The following PKNOX2 variants were observed in gnomAD, a reference collection of about 807,000 sequenced individuals.
The protein encoded by PKNOX2 is homeobox protein PKNOX2.
In PKNOX2, 14 loss-of-function variants were observed where a neutral mutation model predicts 53.1. The observed-to-expected ratio is 0.26, with a 90% confidence interval of 0.17 to 0.41. The LOEUF (loss-of-function observed/expected upper bound fraction) is 0.41, where lower values mean the gene tolerates loss of function less well. PKNOX2 is among the 10% of genes least tolerant of loss of function. The probability of loss-of-function intolerance (pLI) is 1.00; values close to 1 mark genes in which losing one functional copy is unlikely to be tolerated. For synonymous variants in PKNOX2, 257 were observed against 242.8 expected (o/e 1.06, Z -0.54); for missense variants, 496 against 602.8 (o/e 0.82, Z 1.85).
intron 7 of PKNOX2, among the ~76,000 whole-genome samples, chr11:125,407,595 A>G (rs1262146902): frequency 6.6e-6 from 1 of 151,486 alleles, no homozygotes; most frequent in East Asian, 1.9e-4. Flanking sequence ...GGAGGTACCC[A>G]CTCCCCCATT....
chr11:125,404,326 C>T (rs562612983), intron 7 of PKNOX2, among the ~76,000 whole-genome samples: 1 of 152,174 alleles, frequency 6.6e-6, no homozygotes, highest in Admixed American at 6.5e-5. Flanking sequence ...GCGCTTCTCC[C>T]GCCTGAGAAG....
intron 2 of PKNOX2, among the ~76,000 whole-genome samples, chr11:125,265,504 C>T (rs893944142): frequency 1.3e-5 from 2 of 152,226 alleles, no homozygotes; most frequent in African/African-American, 2.4e-5. Flanking sequence ...ACCTGACCCA[C>T]TCCTCCTTCA....
intron 2 of PKNOX2, among the ~76,000 whole-genome samples, chr11:125,311,931 G>C (rs78305914): frequency 6.6e-6 from 1 of 152,070 alleles, no homozygotes; most frequent in East Asian, 1.9e-4. Flanking sequence ...TCTTGAACCC[G>C]GGAGGTGGAG....
At chr11:125,217,036 C>T (rs148221947) in intron 1 of PKNOX2, among the ~76,000 whole-genome samples, 46 of 149,136 alleles carry the variant, frequency 3.1e-4, no homozygotes, top group Non-Finnish European at 4.8e-4. Flanking sequence ...CACACACACA[C>T]AGTCTCTCTC....
intron 2 of PKNOX2, among the ~76,000 whole-genome samples, chr11:125,301,190 T>A (rs1948038425): frequency 6.6e-6 from 1 of 152,062 alleles, no homozygotes; most frequent in Non-Finnish European, 1.5e-5. Flanking sequence ...ATGCTGCCAA[T>A]CCACTGCTGG....
chr11:125,289,811 GCGTGT>G (rs1383085711), intron 2 of PKNOX2, among the ~76,000 whole-genome samples: 10 of 152,144 alleles, frequency 6.6e-5, no homozygotes, highest in Admixed American at 6.6e-4. Context: ...CTCACCACTG[GCGTGT>G]CACTCGGTGC....
At chr11:125,345,472 C>T (rs1159970872) in intron 3 of PKNOX2, among the ~76,000 whole-genome samples, 1 of 152,194 alleles carries the variant, frequency 6.6e-6, no homozygotes, top group Non-Finnish European at 1.5e-5. Context: ...CTCTGGCAGA[C>T]ACCCCGCCTC....
rs573453705 is a variant in PKNOX2 at position 125,374,230 on chromosome 11, A to T, written c.227+6245A>T. ...ATGTGCTGGGTGAGGTGGCCTGAGA[A>T]TGGTGTGGGAGACATGCAGCCATTC... On this transcript the variant is annotated intron_variant, in intron 5 of 12. Coordinates refer to ENST00000298282, the MANE Select transcript of PKNOX2 (RefSeq NM_001382323.2). 2.6e-5 allele frequency among the ~76,000 whole-genome samples: 4 copies of T among 152,126 alleles called. No homozygotes were observed. In the South Asian group the frequency reaches 8.3e-4, roughly 32 times the overall value.
intron 2 of PKNOX2, among the ~76,000 whole-genome samples, chr11:125,267,554 T>C (rs1945451755): frequency 6.6e-6 from 1 of 152,210 alleles, no homozygotes; most frequent in Non-Finnish European, 1.5e-5. Context: ...GCTCCGCTCT[T>C]CTCGTTTAAA....
chr11:125,408,288 T>G (rs983850818), intron 7 of PKNOX2, among the ~76,000 whole-genome samples: 1 of 152,230 alleles, frequency 6.6e-6, no homozygotes, highest in Non-Finnish European at 1.5e-5. Flanking sequence ...CATTTTAGAC[T>G]GCGACTGCAG....
intron 2 of PKNOX2, among the ~76,000 whole-genome samples, chr11:125,249,217 G>A (rs1267349998): frequency 6.6e-6 from 1 of 151,786 alleles, no homozygotes; most frequent in African/African-American, 2.4e-5. Context: ...AATATGTGTG[G>A]CTGGACTCAT....
chr11:125,373,862 C>T (rs1952691178), intron 5 of PKNOX2, among the ~76,000 whole-genome samples: 1 of 152,178 alleles, frequency 6.6e-6, no homozygotes, highest in African/African-American at 2.4e-5. Context: ...GATTTGACCG[C>T]AGAGCTTCAG....
intron 3 of PKNOX2, among the ~76,000 whole-genome samples, chr11:125,332,328 C>T (rs919349805): frequency 1.3e-5 from 2 of 152,038 alleles, no homozygotes; most frequent in African/African-American, 4.8e-5. Context: ...GTTCCAGGAC[C>T]CCAAAGCCAA....
intron 1 of PKNOX2, among the ~76,000 whole-genome samples, chr11:125,228,031 G>A (rs1303154513): frequency 2.7e-5 from 4 of 148,348 alleles, no homozygotes; most frequent in East Asian, 2.0e-4. Context: ...CAGCTCAGCC[G>A]TGTATCAGTG....
chr11:125,335,874 C>T (rs561512233), intron 3 of PKNOX2, among the ~76,000 whole-genome samples: 1 of 152,138 alleles, frequency 6.6e-6, no homozygotes, highest in East Asian at 1.9e-4. Context: ...GGGAAGAGGT[C>T]CCAAGCAGGC....
At chr11:125,427,312 C>T (rs1308216262) in intron 10 of PKNOX2, among the ~76,000 whole-genome samples, 1 of 152,130 alleles carries the variant, frequency 6.6e-6, no homozygotes, top group African/African-American at 2.4e-5. Flanking sequence ...ATCTTAATAC[C>T]GTATGAATCA....
intron 1 of PKNOX2, among the ~76,000 whole-genome samples, chr11:125,179,044 G>C (rs1390200371): frequency 6.6e-6 from 1 of 152,100 alleles, no homozygotes; most frequent in Non-Finnish European, 1.5e-5. Context: ...CATGGCTCTG[G>C]CCACACCCGT....
intron 1 of PKNOX2, among the ~76,000 whole-genome samples, chr11:125,227,550 G>C (rs1334276249): frequency 6.6e-6 from 1 of 152,218 alleles, no homozygotes; most frequent in Non-Finnish European, 1.5e-5. Context: ...GCATGTGTGA[G>C]AATTTCCTTC....
At chr11:125,301,576 T>G (rs1024376427) in intron 2 of PKNOX2, among the ~76,000 whole-genome samples, 3 of 152,090 alleles carry the variant, frequency 2.0e-5, no homozygotes, top group African/African-American at 7.2e-5. Flanking sequence ...GATGGAAATT[T>G]TAGCTGCCAG....
Sources: gnomAD v4.1 joint callset for allele counts (sites outside exome capture counted in the v4.1 genomes callset) on GRCh38, gnomAD v4.1.1 for gene constraint, MANE v1.5 for transcripts, NCBI Gene and HGNC (gene_info 2026-07-23, HGNC 2026-07-21) for gene names.